The following SARNP variants were observed in gnomAD, a reference collection of about 807,000 sequenced individuals.
The protein encoded by SARNP is SAP domain containing ribonucleoprotein, also known as SAP domain-containing ribonucleoprotein.
SARNP carries 5 observed loss-of-function variants against 38.1 expected under a neutral mutation model. The observed-to-expected ratio is 0.13, with a 90% CI of 0.07 to 0.28. The LOEUF (loss-of-function observed/expected upper bound fraction) is 0.28, where lower values mean the gene tolerates loss of function less well. SARNP is among the 10% of genes least tolerant of loss of function. The probability of loss-of-function intolerance (pLI) is 1.00; values close to 1 mark genes in which losing one functional copy is unlikely to be tolerated. For missense variants in SARNP, 180 were observed against 243.9 expected (o/e 0.74, Z 1.75); for synonymous variants, 84 against 80.6 (o/e 1.04, Z -0.23).
At chr12:55,785,015 T>C (rs1879448940) in intron 9 of SARNP, among the ~76,000 whole-genome samples, 1 of 152,214 alleles carries the variant, frequency 6.6e-6, no homozygotes, top group Admixed American at 6.5e-5. Context: ...AAACTGTTTC[T>C]TACCAGTGTG....
Position 55,790,454 on chromosome 12 carries a change from G to C in SARNP, c.432+113C>G, listed in dbSNP as rs191276302. ...GACATACAACATTGTACTGAAAAGAGTCAACAAATTAATGTTCTCAGAGTT... is the reference window on the plus strand; with the variant it reads ...GACATACAACATTGTACTGAAAAGACTCAACAAATTAATGTTCTCAGAGTT... On this transcript the variant is annotated intron_variant, in intron 8 of 10. Transcript: ENST00000336133. The C allele has an allele frequency of 5.8e-5, 69 of 1,191,400 alleles. No homozygotes were observed. In the Middle Eastern group the frequency reaches 8.8e-4, roughly 15 times the overall value. 73.8% of individuals were successfully genotyped at this position (1,191,400 alleles called of 1,614,324 possible). A position where few individuals can be genotyped will look rare whatever the true frequency, so the allele number is the denominator to read the frequency against.
At chr12:55,758,167 G>A (rs1878570353) in intron 10 of SARNP, among the ~76,000 whole-genome samples, 1 of 152,106 alleles carries the variant, frequency 6.6e-6, no homozygotes, top group Non-Finnish European at 1.5e-5. Flanking sequence ...AAATGGTGAG[G>A]GAAGACTTCT....
chr12:55,774,592 A>C (rs968017901), intron 9 of SARNP, among the ~76,000 whole-genome samples: 5 of 128,264 alleles, frequency 3.9e-5, no homozygotes, highest in African/African-American at 8.6e-5. Flanking sequence ...AAAAAAAAAA[A>C]CAAAAATTAG....
intron 6 of SARNP, 47 bp from the exon 7 acceptor site, chr12:55,794,434 CTGGTTTGTCTGTCTCCG>C: frequency 1.3e-6 from 2 of 1,545,132 alleles, no homozygotes; most frequent in Non-Finnish European, 1.8e-6. Flanking sequence ...GTTCACACTC[CTGGTTTGTCTGTCTCCG>C]TGTCAAGTAT....
At chr12:55,794,757 T>TC in intron 6 of SARNP, 50 bp downstream of exon 6, 1 of 1,067,676 alleles carries the variant, frequency 9.4e-7, no homozygotes. Context: ...TCACACATCT[T>TC]CATCTTTACA....
chr12:55,789,194 AC>A, intron 8 of SARNP, 51 bp from the exon 9 acceptor site: 3 of 1,296,006 alleles, frequency 2.3e-6, no homozygotes, highest in Non-Finnish European at 3.3e-6. Flanking sequence ...AAAACGGAAA[AC>A]AAAAAATGCA....
chr12:55,786,299 G>A (rs151123986), intron 9 of SARNP, among the ~76,000 whole-genome samples: 318 of 152,314 alleles, frequency 2.1e-3, no homozygotes, highest in Non-Finnish European at 2.4e-3. Context: ...CAATTCCTTA[G>A]AAGATGGAGT....
intron 1 of SARNP, among the ~76,000 whole-genome samples, chr12:55,812,250 C>T (rs1880349321): frequency 6.6e-6 from 1 of 152,208 alleles, no homozygotes. Flanking sequence ...TTGTTAATGA[C>T]TTCCCCAGTC....
intron 6 of SARNP, 30 bp downstream of exon 6, chr12:55,794,777 T>C: frequency 7.3e-7 from 1 of 1,377,268 alleles, no homozygotes; most frequent in South Asian, 1.2e-5. Context: ...AACACCCCTA[T>C]CAGAGGCCCA....
chr12:55,783,432 A>G (rs1879397906), intron 9 of SARNP, among the ~76,000 whole-genome samples: 1 of 152,160 alleles, frequency 6.6e-6, no homozygotes, highest in African/African-American at 2.4e-5. Flanking sequence ...TGTGTAAAAA[A>G]TTTCTGTAAA....
intron 9 of SARNP, among the ~76,000 whole-genome samples, chr12:55,775,985 T>C (rs1879170151): frequency 6.6e-6 from 1 of 152,142 alleles, no homozygotes; most frequent in South Asian, 2.1e-4. Flanking sequence ...ATTAATCACA[T>C]ACACATATAC....
In SARNP at chr12:55,773,041, G is replaced by A. The variant is rs185017719; in HGVS notation, c.502-12401C>T. Among the ~76,000 whole-genome samples, 3 of 152,272 alleles carry A rather than the reference G, an allele frequency of 2.0e-5. No homozygotes were observed. In the East Asian group the frequency reaches 5.8e-4, roughly 29 times the overall value. On this transcript the variant is annotated intron_variant, in intron 9 of 10. Coordinates refer to ENST00000336133, the MANE Select transcript of SARNP (RefSeq NM_033082.4). ...GGGAAGCTGAAACTTTTCAGGAGAC[G>A]TGAATGCTGTCTTAGCCAAAACATA... is the stretch of plus-strand genomic sequence containing the variant.
At chr12:55,764,400 G>A (rs1878763512) in intron 9 of SARNP, among the ~76,000 whole-genome samples, 1 of 151,934 alleles carries the variant, frequency 6.6e-6, no homozygotes, top group Non-Finnish European at 1.5e-5. Flanking sequence ...GCGTGGTGGC[G>A]CATGCCTGTA....
intron 9 of SARNP, among the ~76,000 whole-genome samples, chr12:55,781,314 T>C (rs1468713181): frequency 6.6e-6 from 1 of 151,838 alleles, no homozygotes; most frequent in Admixed American, 6.6e-5. Flanking sequence ...GGCAGGCAGA[T>C]CACAAAGTCA....
chr12:55,769,849 TG>T (rs1156808060), intron 9 of SARNP, among the ~76,000 whole-genome samples: 3 of 152,170 alleles, frequency 2.0e-5, no homozygotes, highest in African/African-American at 7.2e-5. Flanking sequence ...CTAATATAAG[TG>T]TTCTGGGATT....
chr12:55,778,801 C>G (rs999216335), intron 9 of SARNP, among the ~76,000 whole-genome samples: 1 of 152,204 alleles, frequency 6.6e-6, no homozygotes, highest in Non-Finnish European at 1.5e-5. Flanking sequence ...GAAACTCTGT[C>G]TCTACTAAAG....
chr12:55,792,804 C>G (rs892130009), intron 7 of SARNP: 1 of 152,094 alleles, frequency 6.6e-6, no homozygotes, highest in Admixed American at 6.6e-5. Flanking sequence ...CCCACCCCAG[C>G]GCCCCAAGTA....
At chr12:55,777,727 T>C (rs542593816) in intron 9 of SARNP, among the ~76,000 whole-genome samples, 1 of 152,214 alleles carries the variant, frequency 6.6e-6, no homozygotes, top group East Asian at 1.9e-4. Flanking sequence ...CTTGTCCAAT[T>C]TTTTCCTCAT....
Position 55,787,833 on chromosome 12 carries a change from C to T in SARNP, c.501+1242G>A, listed in dbSNP as rs943172627. On this transcript the variant is annotated intron_variant, in intron 9 of 10. Coordinates refer to ENST00000336133, the MANE Select transcript of SARNP (RefSeq NM_033082.4). ...GTGCAATCTCAGCTCACTGCAAGCT[C>T]CCCCTCCCAGGTTCATGCCATTCTC... Among the ~76,000 whole-genome samples, 17 of 152,026 alleles carry T rather than the reference C, an allele frequency of 1.1e-4. No homozygotes were observed. The South Asian group carries it at 3.3e-3, about 30-fold the overall frequency.
Sources: gnomAD v4.1 joint callset for allele counts (sites outside exome capture counted in the v4.1 genomes callset) on GRCh38, gnomAD v4.1.1 for gene constraint, MANE v1.5 for transcripts, NCBI Gene and HGNC (gene_info 2026-07-23, HGNC 2026-07-21) for gene names.